Variants in MTHFD1L observed in about 807,000 individuals in gnomAD.
The protein encoded by MTHFD1L is methylenetetrahydrofolate dehydrogenase (NADP+ dependent) 1 like, also known as monofunctional C1-tetrahydrofolate synthase, mitochondrial.
In MTHFD1L, 81 loss-of-function variants were observed where a neutral mutation model predicts 119.5. The observed-to-expected ratio is 0.68, with a 90% confidence interval of 0.57 to 0.82. The LOEUF is 0.82. Ranked by LOEUF, MTHFD1L falls within the 40% of genes least tolerant of loss-of-function variation. The probability of loss-of-function intolerance (pLI) is 0.00; values close to 1 mark genes in which losing one functional copy is unlikely to be tolerated. For synonymous variants in MTHFD1L, 430 were observed against 475.2 expected (o/e 0.90, Z 1.24); for missense variants, 1,125 against 1,253.4 (o/e 0.90, Z 1.55).
chr6:150,875,879 T>G, intron 1 of MTHFD1L: 1 of 492,318 alleles, frequency 2.0e-6, no homozygotes, highest in African/African-American at 2.0e-5. Flanking sequence ...CTGCATATTT[T>G]AAAAACTGGA....
intron 9 of MTHFD1L, among the ~76,000 whole-genome samples, chr6:150,920,939 A>ATTTTTTTT (rs869169480): frequency 1.0e-5 from 1 of 96,874 alleles, no homozygotes; most frequent in Non-Finnish European, 2.0e-5. Flanking sequence ...CACCCAGATA[A>ATTTTTTTT]TTTTTTTTTT....
intron 20 of MTHFD1L, among the ~76,000 whole-genome samples, chr6:150,983,845 A>C (rs1777882775): frequency 6.6e-6 from 1 of 152,130 alleles, no homozygotes; most frequent in Non-Finnish European, 1.5e-5. Context: ...CTAACAGCTC[A>C]CTGCAACCTC....
intron 16 of MTHFD1L, among the ~76,000 whole-genome samples, chr6:150,952,764 G>A (rs909426685): frequency 1.8e-4 from 28 of 152,194 alleles, no homozygotes; most frequent in South Asian, 2.1e-4. Flanking sequence ...TCCTGACCTC[G>A]TGATCCGCCT....
At position 150,865,721 on chromosome 6, in the gene MTHFD1L, CCCGCCG is replaced by C. The variant is rs71014527; in HGVS notation, c.-81_-76del. 504 of 966,966 alleles carry C rather than the reference CCCGCCG, an allele frequency of 5.2e-4. 2 individuals carry two copies. Among genetic ancestry groups the C allele is most frequent in the African/African-American group, 2.2e-3 (119 of 53,602 alleles). The allele number at this position is 966,966 out of a possible 1,614,324, so 59.9% of individuals were successfully genotyped here. On this transcript the variant is annotated 5_prime_UTR_variant, in exon 1 of 28. Coordinates refer to ENST00000367321, the MANE Select transcript of MTHFD1L (RefSeq NM_015440.5). Reference sequence around the variant, plus strand: ...GACGAGGAGGAAGCGCCAGGTCCTTCCCGCCGCCGCCGCCGCCGCCGCCGCCTGCTC... The same window carrying C: ...GACGAGGAGGAAGCGCCAGGTCCTTCCCGCCGCCGCCGCCGCCGCCTGCTC...
At chr6:151,053,159 G>A (rs1789337403) in intron 26 of MTHFD1L, among the ~76,000 whole-genome samples, 1 of 152,192 alleles carries the variant, frequency 6.6e-6, no homozygotes, top group South Asian at 2.1e-4. Context: ...TGTACAAATA[G>A]TTCTGATCCA....
At chr6:150,902,025 A>G (rs944553515) in intron 7 of MTHFD1L, among the ~76,000 whole-genome samples, 2 of 152,118 alleles carry the variant, frequency 1.3e-5, no homozygotes, top group Admixed American at 1.3e-4. Context: ...TCAGATTCTC[A>G]TATGATATGA....
chr6:151,101,042 C>T (rs1795327666), intron 27 of MTHFD1L, among the ~76,000 whole-genome samples: 1 of 152,020 alleles, frequency 6.6e-6, no homozygotes, highest in African/African-American at 2.4e-5. Flanking sequence ...ACTTGTAATC[C>T]CAGCTACTCC....
rs143283631 is a variant in MTHFD1L, at chr6:150,918,577, G to A, written c.893G>A (p.Gly298Glu). 3.0e-4 allele frequency: 478 copies of A among 1,612,182 alleles called. 1 individual carries two copies. In the African/African-American group the frequency reaches 5.6e-3, roughly 19 times the overall value. ...TTTTTTTCCCTCCAATTTTTTACAG[G>A]GAAGGTTGGGTGTGGCTCTCCAAGA... Reference protein sequence around the residue: ...VLNCSHDFLSGKVGCGSPRIH... With the variant: ...VLNCSHDFLSEKVGCGSPRIH... The change falls in exon 9 of 28, where the codon GGG becomes GAG. Residue 298 changes from glycine to glutamate, a missense_variant and splice_region_variant. This residue lies in a region of MTHFD1L where 1,058 missense variants were observed against 1,151.2 expected (regional missense o/e 0.92). Coordinates refer to ENST00000367321, the MANE Select transcript of MTHFD1L (RefSeq NM_015440.5).
Position 151,074,270 on chromosome 6 carries a change from T to C in MTHFD1L, c.2848-18197T>C, listed in dbSNP as rs1209992767. 3.9e-5 allele frequency among the ~76,000 whole-genome samples: 6 copies of C among 152,326 alleles called. No individual in the cohort carries two copies. In the East Asian group the frequency reaches 1.2e-3, roughly 29 times the overall value. On this transcript the variant is annotated intron_variant, in intron 26 of 27. Transcript: ENST00000367321. The stretch of plus-strand genomic sequence containing the variant: ...CTGGCAGAAAGAAAATGATACCAGT[T>C]GGAAACCTGAATCTACCCAAAGGAA...
rs193172240 is a variant in MTHFD1L, at chr6:150,923,278, A to G, written c.1082+976A>G. Among the ~76,000 whole-genome samples the G allele has an allele frequency of 2.4e-4, 36 of 152,232 alleles. No homozygotes were observed. In the South Asian group the frequency reaches 6.6e-3, roughly 28 times the overall value. On this transcript the variant is annotated intron_variant, in intron 10 of 27. Transcript: ENST00000367321. ...AATTTGGAAATATAAACTGTAGGTC[A>G]TAGTCTCAGCTTGTGGTTTAGAATG...
At chr6:150,943,217 T>C (rs1240419598) in intron 13 of MTHFD1L, among the ~76,000 whole-genome samples, 2 of 151,966 alleles carry the variant, frequency 1.3e-5, no homozygotes, top group African/African-American at 4.8e-5. Context: ...GGAGGTTGCA[T>C]TGAGCTGAGA....
intron 27 of MTHFD1L, among the ~76,000 whole-genome samples, chr6:151,094,091 G>A (rs753908205): frequency 4.6e-5 from 7 of 152,132 alleles, no homozygotes; most frequent in Non-Finnish European, 8.8e-5. Context: ...AAGGCTCAGG[G>A]CTGCTTCTCC....
At chr6:151,053,407 A>G (rs954828298) in intron 26 of MTHFD1L, among the ~76,000 whole-genome samples, 11 of 152,244 alleles carry the variant, frequency 7.2e-5, no homozygotes, top group Non-Finnish European at 1.6e-4. Flanking sequence ...TACAATGCTC[A>G]AAATAATAGA....
intron 26 of MTHFD1L, among the ~76,000 whole-genome samples, chr6:151,049,661 C>CAA (rs34116073): frequency 1.8e-5 from 2 of 111,568 alleles, no homozygotes; most frequent in African/African-American, 3.6e-5. Flanking sequence ...GACTCCATCT[C>CAA]AAAAAAAAAA....
At position 151,094,411 on chromosome 6, in the gene MTHFD1L, G is replaced by A. The variant is rs553132113; in HGVS notation, c.*31+1824G>A. Among the ~76,000 whole-genome samples the A allele has an allele frequency of 5.3e-5, 8 of 152,290 alleles. No individual in the cohort carries two copies. In the South Asian group the frequency reaches 1.7e-3, roughly 32 times the overall value. The stretch of plus-strand genomic sequence containing the variant: ...AGAGTCTCGCGCTATCACCTAGGCT[G>A]GAGTTCAGTGGCGTGATCTCTGCTC... On this transcript the variant is annotated intron_variant, in intron 27 of 27. Transcript: ENST00000367321.
chr6:151,010,226 A>G (rs1291139943), intron 21 of MTHFD1L, among the ~76,000 whole-genome samples: 1 of 152,198 alleles, frequency 6.6e-6, no homozygotes, highest in Non-Finnish European at 1.5e-5. Context: ...TTTCTAAACA[A>G]TATTTTGGAA....
intron 26 of MTHFD1L, among the ~76,000 whole-genome samples, chr6:151,059,186 CTGGTGGTGGTGGTGG>C (rs71014535): frequency 6.6e-6 from 1 of 150,982 alleles, no homozygotes; most frequent in Non-Finnish European, 1.5e-5. Context: ...CAGTTCTAAA[CTGGTGGTGGTGGTGG>C]TGGTGGTGGT....
chr6:151,017,504 G>A lies in MTHFD1L; in HGVS notation c.2586+1811G>A, dbSNP rs376797591. Among the ~76,000 whole-genome samples, 24 of 152,030 alleles carry A rather than the reference G, an allele frequency of 1.6e-4. 2 individuals are homozygous for A. The East Asian group carries it at 2.1e-3, about 14-fold the overall frequency. On this transcript the variant is annotated intron_variant, in intron 24 of 27. Transcript: ENST00000367321. ...TGGGATTACAGGCGTGCACCACCAC[G>A]CCCAGCTAATTTTTGTATTTTTAGC...
chr6:150,935,626 A>G lies in MTHFD1L; in HGVS notation c.1257-1178A>G, dbSNP rs1028372112. 4.8e-6 allele frequency: 6 copies of G among 1,260,052 alleles called. No individual in the cohort carries two copies. In the African/African-American group the frequency reaches 9.1e-5, roughly 19 times the overall value. The allele number at this position is 1,260,052 out of a possible 1,614,324, so 78.1% of individuals were successfully genotyped here. A position where few individuals can be genotyped will look rare whatever the true frequency, so the allele number is the denominator to read the frequency against. On this transcript the variant is annotated intron_variant, in intron 11 of 27. Transcript: ENST00000367321. ...TTTCTCTGGTCTGATTTTGACAAAT[A>G]GAAGAGTGTCTACAGCGTGGTTTGC...
Sources: gnomAD v4.1 joint callset for allele counts (sites outside exome capture counted in the v4.1 genomes callset) on GRCh38, gnomAD v4.1.1 for gene constraint, gnomAD v4.1.1 regional missense constraint, MANE v1.5 for transcripts, NCBI Gene and HGNC (gene_info 2026-07-23, HGNC 2026-07-21) for gene names.